Variants in PTPRD observed in about 807,000 individuals in gnomAD.
PTPRD encodes receptor-type tyrosine-protein phosphatase delta.
In PTPRD, 34 loss-of-function variants were observed where a neutral mutation model predicts 214.5. The observed-to-expected ratio is 0.16, with a 90% CI of 0.12 to 0.21. The LOEUF (loss-of-function observed/expected upper bound fraction) is 0.21. PTPRD is among the 10% of genes least tolerant of loss of function. The pLI, the probability that PTPRD is intolerant of heterozygous loss-of-function variation, is 1.00. For missense variants in PTPRD, 2,545 were observed against 2,398.7 expected, an observed-to-expected ratio of 1.06 and a Z score of -1.27; for synonymous variants, 1,128 against 845.7, an observed-to-expected ratio of 1.33 and a Z score of -5.79.
chr9:8,793,730 T>G (rs1391717996), intron 11 of PTPRD, among the ~76,000 whole-genome samples: 1 of 152,162 alleles, frequency 6.6e-6, no homozygotes, highest in African/African-American at 2.4e-5. Context: ...CTGACAACAT[T>G]TGCGCATGTA....
At chr9:8,981,955 A>G (rs2099314832) in intron 11 of PTPRD, among the ~76,000 whole-genome samples, 1 of 152,042 alleles carries the variant, frequency 6.6e-6, no homozygotes, top group Admixed American at 6.6e-5. Context: ...GGATGATTTA[A>G]TCTCGCCAGA....
chr9:10,126,424 TATAC>T (rs752343838), intron 3 of PTPRD, among the ~76,000 whole-genome samples: 1,808 of 130,646 alleles, frequency 0.014, 15 homozygotes, highest in South Asian at 0.02. Context: ...CTGTTTTATA[TATAC>T]ACACACACAC....
intron 8 of PTPRD, among the ~76,000 whole-genome samples, chr9:9,572,297 G>A (rs1256414675): frequency 6.6e-6 from 1 of 151,190 alleles, no homozygotes; most frequent in Non-Finnish European, 1.5e-5. Context: ...ACCCATAATT[G>A]ACACTTCCAT....
At chr9:9,865,783 C>T (rs1163854318) in intron 5 of PTPRD, among the ~76,000 whole-genome samples, 1 of 152,220 alleles carries the variant, frequency 6.6e-6, no homozygotes, top group Non-Finnish European at 1.5e-5. Context: ...TTTATTATAA[C>T]ATGTGATAAC....
intron 11 of PTPRD, among the ~76,000 whole-genome samples, chr9:8,827,148 A>G (rs2097192802): frequency 6.7e-6 from 1 of 149,964 alleles, no homozygotes; most frequent in Non-Finnish European, 1.5e-5. Context: ...TTATCATACT[A>G]AATTGCTAAA....
At chr9:9,190,540 T>C (rs1400795231) in intron 9 of PTPRD, among the ~76,000 whole-genome samples, 1 of 152,032 alleles carries the variant, frequency 6.6e-6, no homozygotes, top group East Asian at 1.9e-4. Flanking sequence ...ATCAGCAGTG[T>C]GAAAATGGAC....
At chr9:9,720,090 G>A (rs2097910023) in intron 7 of PTPRD, among the ~76,000 whole-genome samples, 1 of 152,168 alleles carries the variant, frequency 6.6e-6, no homozygotes, top group South Asian at 2.1e-4. Flanking sequence ...TAGCCCAGCA[G>A]GCATGAGCAA....
At chr9:9,074,494 T>C (rs770643820) in intron 10 of PTPRD, among the ~76,000 whole-genome samples, 4 of 152,114 alleles carry the variant, frequency 2.6e-5, no homozygotes, top group Non-Finnish European at 4.4e-5. Flanking sequence ...TTGAGACTTG[T>C]AATTTCTTTC....
rs147670248 is a variant in PTPRD at position 9,389,700 on chromosome 9, T to C, written c.-203+7749A>G. On this transcript the variant is annotated intron_variant, in intron 9 of 45. Coordinates refer to ENST00000381196, the MANE Select transcript of PTPRD (RefSeq NM_002839.4). The stretch of plus-strand genomic sequence containing the variant: ...GATACTGTACCTAACAGACAGTCAT[T>C]CTAGCAACAGCTAAGTAGGGAATCC... Among the ~76,000 whole-genome samples, 357 of 152,298 alleles carry C rather than the reference T, an allele frequency of 2.3e-3. 1 individual carries two copies. Among genetic ancestry groups the C allele is most frequent in the African/African-American group, 7.8e-3 (323 of 41,568 alleles).
chr9:8,530,297 C>G (rs928725354), intron 14 of PTPRD, among the ~76,000 whole-genome samples: 6 of 152,036 alleles, frequency 3.9e-5, no homozygotes, highest in African/African-American at 1.4e-4. Flanking sequence ...TTTTTCTCAG[C>G]CTCTTAGGGA....
intron 8 of PTPRD, among the ~76,000 whole-genome samples, chr9:9,541,382 G>GAGA (rs1304849356): frequency 1.3e-5 from 2 of 151,768 alleles, no homozygotes; most frequent in Non-Finnish European, 2.9e-5. Context: ...CAGTCACATG[G>GAGA]AGAAGAATAT....
At chr9:9,553,205 G>T (rs1229387164) in intron 8 of PTPRD, among the ~76,000 whole-genome samples, 1 of 151,962 alleles carries the variant, frequency 6.6e-6, no homozygotes, top group African/African-American at 2.4e-5. Flanking sequence ...GACAGAAAAT[G>T]AACTAAAATT....
At chr9:10,196,785 C>T (rs1004014561) in intron 3 of PTPRD, among the ~76,000 whole-genome samples, 1 of 152,036 alleles carries the variant, frequency 6.6e-6, no homozygotes, top group Non-Finnish European at 1.5e-5. Context: ...ATGTCAGCAT[C>T]CTAACCTGTA....
chr9:8,391,645 T>C (rs898702811), intron 36 of PTPRD, among the ~76,000 whole-genome samples: 8 of 152,134 alleles, frequency 5.3e-5, no homozygotes, highest in African/African-American at 1.7e-4. Flanking sequence ...AAAGAATTGA[T>C]AAAAAGGATT....
At chr9:10,586,930 T>A (rs764906865) in intron 2 of PTPRD, among the ~76,000 whole-genome samples, 5 of 152,100 alleles carry the variant, frequency 3.3e-5, no homozygotes, top group Non-Finnish European at 5.9e-5. Context: ...ATTTTGCATT[T>A]TACATGATAA....
chr9:8,478,781 T>C (rs939395409), intron 30 of PTPRD, among the ~76,000 whole-genome samples: 4 of 152,136 alleles, frequency 2.6e-5, no homozygotes, highest in South Asian at 2.1e-4. Context: ...ACACAAAAAA[T>C]ACAACAACCA....
At chr9:10,159,228 A>G (rs1047636351) in intron 3 of PTPRD, among the ~76,000 whole-genome samples, 4 of 152,224 alleles carry the variant, frequency 2.6e-5, no homozygotes, top group Non-Finnish European at 5.9e-5. Context: ...ACAAAGAAAG[A>G]AAGAAAGAAA....
At chr9:9,769,047 G>T (rs781652174) in intron 5 of PTPRD, among the ~76,000 whole-genome samples, 1 of 151,880 alleles carries the variant, frequency 6.6e-6, no homozygotes, top group Non-Finnish European at 1.5e-5. Context: ...TACTATTTAA[G>T]ATTGGTTTAA....
intron 2 of PTPRD, among the ~76,000 whole-genome samples, chr9:10,379,233 T>A (rs997187387): frequency 6.6e-6 from 1 of 151,844 alleles, no homozygotes; most frequent in South Asian, 2.1e-4. Context: ...TGTTTGTTAG[T>A]TCTAATAGTT....
Sources: allele counts gnomAD v4.1 joint callset (sites outside exome capture counted in the v4.1 genomes callset), GRCh38; gene constraint gnomAD v4.1.1; transcripts MANE v1.5; gene names NCBI Gene and HGNC (gene_info 2026-07-23, HGNC 2026-07-21).